The following ZNF678 variants were observed in gnomAD, a reference collection of about 807,000 sequenced individuals.
The protein encoded by ZNF678 is hypothetical protein MGC42493.
A neutral mutation model predicts 3.0 loss-of-function variants in ZNF678; 5 were observed. That is an observed-to-expected ratio of 1.69 (90% CI 0.88 to 3.56). The LOEUF (loss-of-function observed/expected upper bound fraction) is 3.56, where lower values mean the gene tolerates loss of function less well. Ranked by LOEUF, ZNF678 falls within the 30% of genes most tolerant of loss-of-function variation. The probability of loss-of-function intolerance (pLI) is 0.00; values close to 1 mark genes in which losing one functional copy is unlikely to be tolerated. For synonymous variants in ZNF678, 218 were observed against 199.6 expected (o/e 1.09, Z -0.78); for missense variants, 593 against 605.0 (o/e 0.98, Z 0.21).
intron 1 of ZNF678, among the ~76,000 whole-genome samples, chr1:227,573,773 G>C (rs1014407656): frequency 6.8e-6 from 1 of 147,598 alleles, no homozygotes; most frequent in East Asian, 1.9e-4. Context: ...CATCATCCAG[G>C]TATTAAGCCT....
intron 1 of ZNF678, among the ~76,000 whole-genome samples, chr1:227,589,079 A>G (rs1657340320): frequency 6.6e-6 from 1 of 151,850 alleles, no homozygotes; most frequent in South Asian, 2.1e-4. Flanking sequence ...ATTTTCTCCC[A>G]TTCTGTAGGT....
chr1:227,604,389 G>A (rs1429476113), intron 1 of ZNF678, among the ~76,000 whole-genome samples: 2 of 152,154 alleles, frequency 1.3e-5, no homozygotes, highest in East Asian at 3.8e-4. Flanking sequence ...ATATCTCCCT[G>A]AGGGTTATTT....
intron 1 of ZNF678, chr1:227,599,112 C>T: frequency 1.9e-6 from 3 of 1,586,260 alleles, no homozygotes; most frequent in Non-Finnish European, 1.7e-6. Context: ...CTCGCCATTG[C>T]TATTGGGTTT....
chr1:227,579,464 A>C (rs67676707), intron 1 of ZNF678, among the ~76,000 whole-genome samples: 30,544 of 151,964 alleles, frequency 0.2, 3,561 homozygotes, highest in East Asian at 0.44. Flanking sequence ...CCAAGGCTGA[A>C]TCTGCAATGG....
intron 1 of ZNF678, among the ~76,000 whole-genome samples, chr1:227,619,008 G>A (rs1353503551): frequency 1.3e-4 from 20 of 152,132 alleles, no homozygotes; most frequent in Admixed American, 1.3e-3. Context: ...AGAGTGAGGG[G>A]GGACCTGCCA....
At chr1:227,630,501 T>C (rs149677099) in intron 1 of ZNF678, among the ~76,000 whole-genome samples, 2,142 of 152,346 alleles carry the variant, frequency 0.014, 52 homozygotes, top group African/African-American at 0.048. Flanking sequence ...TAGCATCTGA[T>C]CTAGCAATAA....
At chr1:227,612,901 C>G (rs778073665) in intron 1 of ZNF678, among the ~76,000 whole-genome samples, 1 of 152,138 alleles carries the variant, frequency 6.6e-6, no homozygotes, top group Non-Finnish European at 1.5e-5. Flanking sequence ...ATTAGCAGCC[C>G]AAAAACATCA....
At chr1:227,592,353 A>G (rs965108116) in intron 1 of ZNF678, among the ~76,000 whole-genome samples, 23 of 152,204 alleles carry the variant, frequency 1.5e-4, no homozygotes, top group African/African-American at 5.5e-4. Context: ...TAACAGGGCC[A>G]TTGCTGCCAG....
chr1:227,662,128 C>A lies in ZNF678; in HGVS notation c.*6300C>A, dbSNP rs778197767. ...TTGGGGATTGATTCAAACATTAATACTTTCAAGCGTTTCTATGGTATTTGT... is the reference window on the plus strand; with the variant it reads ...TTGGGGATTGATTCAAACATTAATAATTTCAAGCGTTTCTATGGTATTTGT... On this transcript the variant is annotated 3_prime_UTR_variant, in exon 4 of 4. Coordinates refer to ENST00000343776, the MANE Select transcript of ZNF678 (RefSeq NM_001367909.1). The A allele has an allele frequency of 9.2e-5, 14 of 152,208 alleles. No individual in the cohort carries two copies. The highest frequency in any genetic ancestry group is 8.8e-5 in the Non-Finnish European group (6 of 68,046). 9.4% of individuals were successfully genotyped at this position (152,208 alleles called of 1,614,324 possible).
intron 1 of ZNF678, among the ~76,000 whole-genome samples, chr1:227,565,334 G>A (rs1230880342): frequency 1.3e-5 from 2 of 152,070 alleles, no homozygotes; most frequent in Non-Finnish European, 2.9e-5. Flanking sequence ...AAAGCGTTGG[G>A]ATTACAGGGG....
chr1:227,627,123 C>T (rs1658438749), intron 1 of ZNF678, among the ~76,000 whole-genome samples: 1 of 150,720 alleles, frequency 6.6e-6, no homozygotes, highest in African/African-American at 2.4e-5. Context: ...TGGCACACTT[C>T]ACAGGCCCTA....
Position 227,655,076 on chromosome 1 carries a change from G to A in ZNF678, c.826G>A (p.Glu276Lys). ...KCEECGNVFN[E>K]CSHLTRHRRI... ...TGAAGAATGTGGCAACGTTTTTAAT[G>A]AGTGCTCACACCTAACTAGACATAG... The change falls in exon 4 of 4, where the codon GAG (glutamate) becomes AAG (lysine). Residue 276 changes from glutamate (E) to lysine (K), a missense_variant. Transcript: ENST00000343776. 1 of 1,599,760 alleles carries A rather than the reference G, an allele frequency of 6.3e-7. No individual in the cohort carries two copies. The highest frequency in any genetic ancestry group is 8.5e-7 in the Non-Finnish European group (1 of 1,173,610).
At chr1:227,608,935 C>T (rs912457302) in intron 1 of ZNF678, among the ~76,000 whole-genome samples, 3 of 151,972 alleles carry the variant, frequency 2.0e-5, no homozygotes, top group Non-Finnish European at 4.4e-5. Context: ...AACAAAGACA[C>T]GTAAAAACTG....
intron 1 of ZNF678, among the ~76,000 whole-genome samples, chr1:227,611,092 T>G (rs1658005939): frequency 6.6e-6 from 1 of 152,222 alleles, no homozygotes; most frequent in Admixed American, 6.5e-5. Flanking sequence ...CAGGTGCAGT[T>G]CACTTTTACT....
intron 1 of ZNF678, among the ~76,000 whole-genome samples, chr1:227,567,495 G>T (rs1213657251): frequency 6.6e-6 from 1 of 152,110 alleles, no homozygotes; most frequent in Admixed American, 6.5e-5. Flanking sequence ...CACAAGCACG[G>T]AAGAGCCCTT....
intron 5 of ZNF678, among the ~76,000 whole-genome samples, chr1:227,676,083 T>G (rs1035342371): frequency 3.7e-4 from 57 of 152,344 alleles, no homozygotes; most frequent in African/African-American, 1.3e-3. Flanking sequence ...GCTTGGGACA[T>G]TTAACAATTT....
chr1:227,565,287 A>G (rs1656647218), intron 1 of ZNF678, among the ~76,000 whole-genome samples: 1 of 148,460 alleles, frequency 6.7e-6, no homozygotes, highest in East Asian at 2.0e-4. Context: ...GATTGTCTTG[A>G]TCTCTTGACC....
intron 1 of ZNF678, among the ~76,000 whole-genome samples, chr1:227,613,838 C>T (rs529269925): frequency 6.6e-6 from 1 of 152,240 alleles, no homozygotes; most frequent in East Asian, 1.9e-4. Flanking sequence ...TGCCACAAGC[C>T]CCACGCCCAA....
At chr1:227,568,055 G>A (rs1055617713) in intron 1 of ZNF678, among the ~76,000 whole-genome samples, 1 of 152,178 alleles carries the variant, frequency 6.6e-6, no homozygotes, top group Non-Finnish European at 1.5e-5. Context: ...CTGTGTTTAG[G>A]AGGGGCATAA....
Sources: gnomAD v4.1 joint callset for allele counts (sites outside exome capture counted in the v4.1 genomes callset) on GRCh38, gnomAD v4.1.1 for gene constraint, MANE v1.5 for transcripts, NCBI Gene and HGNC (gene_info 2026-07-23, HGNC 2026-07-21) for gene names.